Variants in ADCY4 observed in about 807,000 individuals in gnomAD.
ADCY4 encodes the protein adenylate cyclase 4, also known as adenylate cyclase type 4.
A neutral mutation model predicts 125.5 loss-of-function variants in ADCY4; 111 were observed. The ratio of observed to expected loss-of-function variants is 0.88; its 90% confidence interval spans 0.76 to 1.04. The LOEUF is 1.04. ADCY4 is among the 50% of genes least tolerant of loss of function. The pLI is 0.00. For missense variants in ADCY4, 1,256 were observed against 1,382.9 expected (o/e 0.91, Z 1.46); for synonymous variants, 576 against 586.9 (o/e 0.98, Z 0.27).
Position 24,329,400 on chromosome 14 carries a change from C to A in ADCY4, c.1350+1G>T. Reference sequence around the variant, plus strand: ...CCATGGGGTCTGGGCTGGGCTTTTACCCGTGGATCGATGACCAGATAGGTA... The same window carrying A: ...CCATGGGGTCTGGGCTGGGCTTTTAACCGTGGATCGATGACCAGATAGGTA... On this transcript the variant is annotated splice_donor_variant, in intron 9 of 24. Transcript: ENST00000418030. LOFTEE classifies it high-confidence loss of function. 6.4e-7 allele frequency: 1 copy of A among 1,550,830 alleles called. No homozygotes were observed. The highest frequency in any genetic ancestry group is 2.1e-5 in the Admixed American group (1 of 48,526).
intron 14 of ADCY4, among the ~76,000 whole-genome samples, chr14:24,324,859 T>A (rs568204067): frequency 6.6e-6 from 1 of 151,954 alleles, no homozygotes; most frequent in South Asian, 2.1e-4. Flanking sequence ...GCCTGCCATC[T>A]CACCCAGCAA....
At chr14:24,323,531 C>T in intron 16 of ADCY4, 77 bp from the exon 17 acceptor site, 2 of 1,532,536 alleles carry the variant, frequency 1.3e-6, no homozygotes, top group Non-Finnish European at 1.8e-6. Flanking sequence ...TTTCAGCTGA[C>T]CCAGGGATGA....
chr14:24,319,469 C>G lies in ADCY4; in HGVS notation c.2734-33G>C. Reference sequence around the variant, plus strand: ...TAGAGAAGAGTCCTGTCCCCAGTCTCTCTTACTCTCTCCATCACCTCTCCC... The same window carrying G: ...TAGAGAAGAGTCCTGTCCCCAGTCTGTCTTACTCTCTCCATCACCTCTCCC... On this transcript the variant is annotated intron_variant, in intron 21 of 24. Transcript: ENST00000418030. This position sits in a 1 kb window ranked among gnomAD's most constrained non-coding sequence, Gnocchi z 4.5. The G allele has an allele frequency of 6.3e-7, 1 of 1,599,364 alleles. No individual in the cohort carries two copies. Among genetic ancestry groups the G allele is most frequent in the Non-Finnish European group, 8.6e-7 (1 of 1,166,970 alleles).
intron 14 of ADCY4, among the ~76,000 whole-genome samples, chr14:24,324,612 G>C (rs989648088): frequency 9.9e-5 from 15 of 152,228 alleles, no homozygotes; most frequent in Non-Finnish European, 2.1e-4. Flanking sequence ...GGACCCATAT[G>C]GTGGGGAGTG....
chr14:24,331,963 G>T (rs1427037317), intron 3 of ADCY4, 26 bp from the exon 4 acceptor site: 1 of 1,532,700 alleles, frequency 6.5e-7, no homozygotes, highest in East Asian at 2.4e-5. Context: ...AGCCTCAGAG[G>T]GCGCGGGACC....
rs762826554 is a variant in ADCY4 at position 24,325,873 on chromosome 14, G to A, written c.1670C>T (p.Ser557Leu). 7.5e-6 allele frequency: 12 copies of A among 1,593,768 alleles called. No individual in the cohort carries two copies. The highest frequency in any genetic ancestry group is 5.2e-5 in the Admixed American group (3 of 57,568). ...QLNSQKQWKQSKDFNPLTLYF... is the reference protein window; with the variant it reads ...QLNSQKQWKQLKDFNPLTLYF... ...CAGTGTCAGTGGGTTGAAGTCCTTC[G>A]ACTGCTTCCACTGTCTGGTGGGAGG... is the stretch of plus-strand genomic sequence containing the variant. The change falls in exon 13 of 25, where the codon TCG (serine) becomes TTG (leucine). Residue 557 changes from serine to leucine, a missense_variant. Transcript: ENST00000418030.
chr14:24,325,875 C>T lies in ADCY4; in HGVS notation c.1668G>A (p.Gln556=), dbSNP rs1298097260. The T allele has an allele frequency of 1.3e-6, 2 of 1,592,886 alleles. No homozygotes were observed. Among genetic ancestry groups the T allele is most frequent in the Non-Finnish European group, 1.7e-6 (2 of 1,167,314 alleles). ...GTGTCAGTGGGTTGAAGTCCTTCGA[C>T]TGCTTCCACTGTCTGGTGGGAGGTG... ...EQLNSQKQWK[Q]SKDFNPLTLY... Residue 556 remains glutamine (Q), a synonymous_variant, in exon 13 of 25, where the codon CAG becomes CAA. Transcript: ENST00000418030.
rs1768967692 is a variant in ADCY4, at chr14:24,332,381, G to C, written c.519+141C>G. Reference sequence around the variant, plus strand: ...GGCATTGCATCACACTGTTGTACCAGCTCTGCGAAAGCACGGTTGGGTATC... The same window carrying C: ...GGCATTGCATCACACTGTTGTACCACCTCTGCGAAAGCACGGTTGGGTATC... On this transcript the variant is annotated intron_variant, in intron 3 of 24. Coordinates refer to ENST00000418030, the MANE Select transcript of ADCY4 (RefSeq NM_001198568.2). 3 of 954,398 alleles carry C rather than the reference G, an allele frequency of 3.1e-6. No individual in the cohort carries two copies. The Admixed American group carries it at 8.2e-5, about 26-fold the overall frequency. 59.1% of individuals were successfully genotyped at this position (954,398 alleles called of 1,614,324 possible). A position where few individuals can be genotyped will look rare whatever the true frequency, so the allele number is the denominator to read the frequency against.
chr14:24,326,019 C>A (rs2041936415), intron 12 of ADCY4, 60 bp downstream of exon 12: 7 of 1,486,816 alleles, frequency 4.7e-6, no homozygotes, highest in Admixed American at 2.1e-5. Flanking sequence ...GAGCACCATC[C>A]CTTCTCCACC....
chr14:24,329,292 C>T (rs963069721), intron 9 of ADCY4, 58 bp from the exon 10 acceptor site: 65 of 1,591,034 alleles, frequency 4.1e-5, no homozygotes, highest in Middle Eastern at 3.4e-4. Flanking sequence ...TCTCCCTCCA[C>T]CCCCCACTAG....
At chr14:24,334,159 A>C (rs1209607907) in intron 1 of ADCY4, among the ~76,000 whole-genome samples, 1 of 152,216 alleles carries the variant, frequency 6.6e-6, no homozygotes, top group African/African-American at 2.4e-5. Context: ...GAAAGGCAGG[A>C]AATGAATTCC....
intron 10 of ADCY4, chr14:24,328,822 G>T (rs2041993001): frequency 1.8e-6 from 1 of 564,298 alleles, no homozygotes; most frequent in Non-Finnish European, 3.1e-6. Flanking sequence ...CCCTACAATG[G>T]TGTCTGTAGG....
rs1013658733 is a variant in ADCY4 at position 24,325,493 on chromosome 14, G to C, written c.1726-19C>G. 6.2e-7 allele frequency: 1 copy of C among 1,601,902 alleles called. No homozygotes were observed. The highest frequency in any genetic ancestry group is 1.3e-5 in the African/African-American group (1 of 74,450). ...GTCGGTACTGAAAGTGAGAGGGCCA[G>C]AGGTGGAGACAGGGTCCAGTGCTAC... is the stretch of plus-strand genomic sequence containing the variant. On this transcript the variant is annotated intron_variant, in intron 13 of 24. Transcript: ENST00000418030.
intron 1 of ADCY4, among the ~76,000 whole-genome samples, chr14:24,333,738 C>T (rs2042087649): frequency 6.6e-6 from 1 of 152,220 alleles, no homozygotes; most frequent in Non-Finnish European, 1.5e-5. Context: ...ATTCCCGGAG[C>T]CGGGGACCGC....
In ADCY4 at chr14:24,331,212, C is replaced by A; in HGVS notation, c.814G>T (p.Val272Phe). 6.2e-7 allele frequency: 1 copy of A among 1,614,198 alleles called. No individual in the cohort carries two copies. Among genetic ancestry groups the A allele is most frequent in the South Asian group, 1.1e-5 (1 of 91,086 alleles). ...TCCAGCCATTCTTCCTCATACCTGA[C>A]TCCCTGGTGCCTCTTGACATAGAGG... ...HSLYVKRHQG[V>F]SVLYADIVGF... Residue 272 changes from valine to phenylalanine, a missense_variant, in exon 5 of 25, where the codon GTC becomes TTC. Physicochemically the swap from Val to Phe is conservative, Grantham distance 50 (BLOSUM62 -1). Coordinates refer to ENST00000418030, the MANE Select transcript of ADCY4 (RefSeq NM_001198568.2).
At chr14:24,322,424 G>T in intron 19 of ADCY4, 200 bp from the exon 20 acceptor site, 1 of 858,940 alleles carries the variant, frequency 1.2e-6, no homozygotes, top group Non-Finnish European at 1.8e-6. Context: ...ATTGGCAGCA[G>T]ACTTTTTCTA....
chr14:24,331,986 G>C (rs1294556675), intron 3 of ADCY4, 49 bp from the exon 4 acceptor site: 1 of 1,478,098 alleles, frequency 6.8e-7, no homozygotes, highest in Non-Finnish European at 9.1e-7. Context: ...GGTGCTTGTC[G>C]TGTGTAGTTG....
In ADCY4 at chr14:24,324,329, A is replaced by G. The variant is rs199718727; in HGVS notation, c.1886T>C (p.Val629Ala). The change falls in exon 15 of 25, where the codon GTC (valine) becomes GCC (alanine). Residue 629 changes from valine to alanine, a missense_variant. By Grantham distance (64) the Val-to-Ala change is moderately conservative. Transcript: ENST00000418030. ...CACCATCAGGTCCTCTGAGAAGCAG[A>G]CAAAAAGGATGAGGAGGAAGAGGAG... ...TFLLFLLILFVCFSEDLMRCV... is the reference protein window; with the variant it reads ...TFLLFLLILFACFSEDLMRCV... 3.6e-5 allele frequency: 58 copies of G among 1,614,254 alleles called. No individual in the cohort carries two copies. In the South Asian group the frequency reaches 5.9e-4, roughly 16 times the overall value.
chr14:24,326,370 G>A (rs2041944730), intron 10 of ADCY4, 28 bp from the exon 11 acceptor site: 1 of 1,596,496 alleles, frequency 6.3e-7, no homozygotes, highest in South Asian at 1.1e-5. Context: ...GGGGAGGTGG[G>A]CATGGTGGGT....
Sources: gnomAD v4.1 joint callset for allele counts (sites outside exome capture counted in the v4.1 genomes callset) on GRCh38, gnomAD v4.1.1 for gene constraint, Gnocchi (gnomAD v3.1) non-coding constraint, MANE v1.5 for transcripts, NCBI Gene and HGNC (gene_info 2026-07-23, HGNC 2026-07-21) for gene names.